MAGI1: variants seen among roughly 807,000 people sequenced by gnomAD.
MAGI1 encodes membrane-associated guanylate kinase, WW and PDZ domain-containing protein 1.
A neutral mutation model predicts 139.9 loss-of-function variants in MAGI1; 58 were observed. The ratio of observed to expected loss-of-function variants is 0.41; its 90% CI spans 0.34 to 0.52. The LOEUF is 0.52. Ranked by LOEUF, MAGI1 falls within the 20% of genes least tolerant of loss-of-function variation. MAGI1 has a pLI of 0.12. For synonymous variants in MAGI1, 812 were observed against 737.9 expected, an observed-to-expected ratio of 1.10 and a Z score of -1.63; for missense variants, 1,874 against 1,901.6, an observed-to-expected ratio of 0.99 and a Z score of 0.27.
At chr3:65,870,894 G>A (rs934900838) in intron 1 of MAGI1, among the ~76,000 whole-genome samples, 1 of 151,838 alleles carries the variant, frequency 6.6e-6, no homozygotes, top group Admixed American at 6.6e-5. Flanking sequence ...TCCACCCTGG[G>A]CAATAAATTG....
intron 1 of MAGI1, among the ~76,000 whole-genome samples, chr3:65,818,974 T>C (rs1485659551): frequency 6.6e-6 from 1 of 152,208 alleles, no homozygotes; most frequent in Admixed American, 6.5e-5. Context: ...AAATTTATAA[T>C]TCTATCATGC....
intron 1 of MAGI1, among the ~76,000 whole-genome samples, chr3:65,929,820 C>T (rs1049397091): frequency 3.3e-5 from 5 of 152,114 alleles, no homozygotes; most frequent in Admixed American, 1.3e-4. Flanking sequence ...GGGTAAGAAG[C>T]TGAGTTACAC....
chr3:65,832,471 C>A (rs2042581365), intron 1 of MAGI1, among the ~76,000 whole-genome samples: 1 of 152,102 alleles, frequency 6.6e-6, no homozygotes. Flanking sequence ...AAACTGCTAG[C>A]ATGTCTCTGA....
chr3:65,807,462 T>C (rs564880723), intron 1 of MAGI1, among the ~76,000 whole-genome samples: 2 of 152,158 alleles, frequency 1.3e-5, no homozygotes, highest in Non-Finnish European at 2.9e-5. Context: ...CTCTTAACAC[T>C]ATCACATTGG....
intron 1 of MAGI1, among the ~76,000 whole-genome samples, chr3:65,876,666 A>G (rs2060129373): frequency 6.6e-6 from 1 of 152,130 alleles, no homozygotes; most frequent in South Asian, 2.1e-4. Context: ...AATGGGCAGC[A>G]GTGATATTAA....
intron 1 of MAGI1, among the ~76,000 whole-genome samples, chr3:65,921,845 G>A (rs535764916): frequency 5.9e-5 from 9 of 151,792 alleles, no homozygotes; most frequent in Non-Finnish European, 1.3e-4. Context: ...GGTTGAGGCT[G>A]CAGTGAGCCA....
rs551715523 is a variant in MAGI1 at position 65,606,257 on chromosome 3, A to G, written c.430+15715T>C. ...ACGTATCTTTCCACATCCAAAACCT[A>G]TGTTTACTCAGCAACCACTGCACCG... On this transcript the variant is annotated intron_variant, in intron 2 of 22. Coordinates refer to ENST00000402939, the MANE Select transcript of MAGI1 (RefSeq NM_001033057.2). 4.5e-4 allele frequency among the ~76,000 whole-genome samples: 68 copies of G among 152,266 alleles called. 1 individual carries two copies. The highest frequency in any genetic ancestry group is 1.5e-3 in the African/African-American group (64 of 41,544).
At chr3:65,477,041 G>A (rs1950931498) in intron 4 of MAGI1, among the ~76,000 whole-genome samples, 1 of 152,100 alleles carries the variant, frequency 6.6e-6, no homozygotes. Flanking sequence ...TCCAATCCTA[G>A]CGAGTCATTT....
At chr3:65,544,096 T>C (rs1481763626) in intron 2 of MAGI1, among the ~76,000 whole-genome samples, 1 of 152,182 alleles carries the variant, frequency 6.6e-6, no homozygotes, top group Non-Finnish European at 1.5e-5. Flanking sequence ...TATCCAGATA[T>C]TCACCATGAT....
In MAGI1 at chr3:65,361,331, C is replaced by G; in HGVS notation, c.3502G>C (p.Asp1168His). The change falls in exon 22 of 23, where the codon GAT becomes CAT. Residue 1168 changes from aspartate to histidine, a missense_variant. Physicochemically the swap from Asp to His is moderately conservative, Grantham distance 81. Coordinates refer to ENST00000402939, the MANE Select transcript of MAGI1 (RefSeq NM_001033057.2). ...TCACCATTGATCTCTAAAATTTCAT[C>G]ACCAATCTGCCAAAGCAAAAGAAAA... ...AERCGKMRIG[D>H]EILEINGETT... 6.2e-7 allele frequency: 1 copy of G among 1,613,544 alleles called. No individual in the cohort carries two copies. The highest frequency in any genetic ancestry group is 8.5e-7 in the Non-Finnish European group (1 of 1,179,622).
intron 2 of MAGI1, among the ~76,000 whole-genome samples, chr3:65,511,040 T>C (rs2077561021): frequency 6.8e-6 from 1 of 147,110 alleles, no homozygotes; most frequent in African/African-American, 2.5e-5. Context: ...CAGAATTTCA[T>C]ATCCAGCCAA....
rs980352774 is a variant in MAGI1 at position 65,926,368 on chromosome 3, T to TCTCTCTCTCC, written c.313+111627_313+111628insGGAGAGAGAG. Among the ~76,000 whole-genome samples, 12 of 147,650 alleles carry TCTCTCTCTCC rather than the reference T, an allele frequency of 8.1e-5. No homozygotes were observed. In the East Asian group the frequency reaches 1.0e-3, roughly 12 times the overall value. On this transcript the variant is annotated intron_variant, in intron 1 of 22. Transcript: ENST00000402939. The stretch of plus-strand genomic sequence containing the variant: ...CTCTCTCTCTCTCTCTCTCTCTCTC[T>TCTCTCTCTCC]CCCTCTTTCCCTCCCTACACCTCCC...
intron 1 of MAGI1, among the ~76,000 whole-genome samples, chr3:65,778,944 A>G (rs1230392833): frequency 6.6e-6 from 1 of 152,206 alleles, no homozygotes; most frequent in Non-Finnish European, 1.5e-5. Context: ...GGAAGGTGCT[A>G]GTGTCATCTA....
At chr3:65,518,147 C>T (rs1244968282) in intron 2 of MAGI1, among the ~76,000 whole-genome samples, 3 of 152,002 alleles carry the variant, frequency 2.0e-5, no homozygotes, top group Non-Finnish European at 4.4e-5. Flanking sequence ...TTAAAACTAA[C>T]CAGAAGACAT....
intron 1 of MAGI1, among the ~76,000 whole-genome samples, chr3:65,734,588 G>GA (rs1442863051): frequency 9.8e-5 from 12 of 121,884 alleles, no homozygotes; most frequent in Non-Finnish European, 1.9e-4. Flanking sequence ...AGAGAGAGAG[G>GA]GAGAGAGAGA....
chr3:65,383,967 C>T (rs1007323852), intron 14 of MAGI1, among the ~76,000 whole-genome samples: 4 of 152,160 alleles, frequency 2.6e-5, no homozygotes, highest in Non-Finnish European at 5.9e-5. Context: ...TATTATGTGC[C>T]ACACCACAAA....
At chr3:65,862,188 C>A (rs893437979) in intron 1 of MAGI1, among the ~76,000 whole-genome samples, 1 of 152,172 alleles carries the variant, frequency 6.6e-6, no homozygotes, top group African/African-American at 2.4e-5. Context: ...AGAGCTCACG[C>A]GCTGGACTAA....
intron 1 of MAGI1, among the ~76,000 whole-genome samples, chr3:65,646,857 AC>A (rs1355127497): frequency 6.6e-6 from 1 of 151,538 alleles, no homozygotes; most frequent in Non-Finnish European, 1.5e-5. Flanking sequence ...AAATAAAAAA[AC>A]AACGTGTCAA....
chr3:65,448,494 T>G (rs766279405), intron 6 of MAGI1, among the ~76,000 whole-genome samples: 16 of 152,132 alleles, frequency 1.1e-4, no homozygotes, highest in Non-Finnish European at 2.1e-4. Flanking sequence ...ATTATTTAAC[T>G]TACAAGTAAC....
Sources: allele counts gnomAD v4.1 joint callset (sites outside exome capture counted in the v4.1 genomes callset), GRCh38; gene constraint gnomAD v4.1.1; transcripts MANE v1.5; gene names NCBI Gene and HGNC (gene_info 2026-07-23, HGNC 2026-07-21).